The following TULP4 variants were observed in gnomAD, a reference collection of about 807,000 sequenced individuals.
The protein encoded by TULP4 is tubby-related protein 4.
Under a neutral mutation model 129.0 loss-of-function variants are expected in TULP4, and 16 were observed. The observed-to-expected ratio is 0.12, with a 90% CI of 0.08 to 0.19. The LOEUF (loss-of-function observed/expected upper bound fraction) is 0.19. Among genes scored for constraint, TULP4 ranks in the 10% least tolerant of loss-of-function variants. The pLI is 1.00. For missense variants in TULP4, 1,842 were observed against 2,059.1 expected (o/e 0.89, Z 2.04); for synonymous variants, 998 against 854.0 (o/e 1.17, Z -2.94).
At chr6:158,500,991 A>G (rs139703906) in intron 12 of TULP4, among the ~76,000 whole-genome samples, 1,524 of 152,222 alleles carry the variant, frequency 0.01, 21 homozygotes, top group African/African-American at 0.035. Flanking sequence ...ACGCAGGAGA[A>G]TCACTTGAAC....
intron 1 of TULP4, among the ~76,000 whole-genome samples, chr6:158,327,343 C>T (rs572840117): frequency 9.2e-5 from 14 of 152,118 alleles, no homozygotes; most frequent in Non-Finnish European, 1.8e-4. Context: ...TTGGTGGAAA[C>T]GATGCTCTTC....
At chr6:158,310,883 T>C (rs1016896585), upstream of TULP4, among the ~76,000 whole-genome samples, 17 of 152,210 alleles carry the variant, frequency 1.1e-4, no homozygotes, top group African/African-American at 3.9e-4. Context: ...TTAAAAACCA[T>C]GTACTCAAGG....
intron 2 of TULP4, among the ~76,000 whole-genome samples, chr6:158,423,855 T>C (rs1028388495): frequency 2.0e-5 from 3 of 152,088 alleles, no homozygotes; most frequent in African/African-American, 7.2e-5. Flanking sequence ...TTAGCCAGGA[T>C]GGTCTCGATC....
At chr6:158,499,996 G>A (rs1780407979) in intron 12 of TULP4, among the ~76,000 whole-genome samples, 1 of 151,952 alleles carries the variant, frequency 6.6e-6, no homozygotes, top group Admixed American at 6.5e-5. Flanking sequence ...CTGTAGTTTG[G>A]TGAAGCCTCC....
intron 1 of TULP4, among the ~76,000 whole-genome samples, chr6:158,299,055 C>T (rs1397470212): frequency 6.6e-6 from 1 of 151,850 alleles, no homozygotes. Flanking sequence ...CCCATACTTG[C>T]AGTCTGGACA....
chr6:158,341,919 T>A (rs1047697652), intron 1 of TULP4, among the ~76,000 whole-genome samples: 1 of 152,172 alleles, frequency 6.6e-6, no homozygotes. Flanking sequence ...TAGCTTGATG[T>A]GATTCCCCGC....
Position 158,314,013 on chromosome 6 carries a change from A to G in TULP4, c.-4A>G, listed in dbSNP as rs184206678. ...TTTAAGTAAAACAGTTCATTGAAGA[A>G]AGTATGTATGCAGCAGTGGAACATG... On this transcript the variant is annotated 5_prime_UTR_variant, in exon 1 of 14. Transcript: ENST00000367097. 6.2e-6 allele frequency: 10 copies of G among 1,610,852 alleles called. No homozygotes were observed. The highest frequency in any genetic ancestry group is 3.3e-5 in the Admixed American group (2 of 59,854).
chr6:158,356,821 G>A (rs952607554), intron 1 of TULP4, among the ~76,000 whole-genome samples: 1 of 152,054 alleles, frequency 6.6e-6, no homozygotes, highest in African/African-American at 2.4e-5. Context: ...AGGAGGAGCT[G>A]AAGCTGTAAA....
At chr6:158,495,594 G>C (rs975268254) in intron 11 of TULP4, among the ~76,000 whole-genome samples, 1 of 152,198 alleles carries the variant, frequency 6.6e-6, no homozygotes, top group Admixed American at 6.5e-5. Context: ...TGTAATCCCA[G>C]CACTTTGGGA....
At position 158,437,331 on chromosome 6, in the gene TULP4, G is replaced by A. The variant is rs564053768; in HGVS notation, c.543+7434G>A. Among the ~76,000 whole-genome samples the A allele has an allele frequency of 2.0e-5, 3 of 152,304 alleles. No homozygotes were observed. In the South Asian group the frequency reaches 6.2e-4, roughly 32 times the overall value. ...AATCTTAGCACTTTGGGAGGCCAGA[G>A]CAGGAGAATTGCTTGAGGCCAAGAG... On this transcript the variant is annotated intron_variant, in intron 3 of 13. Coordinates refer to ENST00000367097, the MANE Select transcript of TULP4 (RefSeq NM_020245.5).
upstream of TULP4, among the ~76,000 whole-genome samples, chr6:158,280,581 G>A (rs1429470308): frequency 6.6e-6 from 1 of 152,262 alleles, no homozygotes; most frequent in Non-Finnish European, 1.5e-5. Flanking sequence ...ATGAGGCCCT[G>A]CCTCAGTGTC....
chr6:158,354,898 A>AC (rs1490822408), intron 1 of TULP4, among the ~76,000 whole-genome samples: 4 of 151,458 alleles, frequency 2.6e-5, no homozygotes, highest in Admixed American at 2.6e-4. Flanking sequence ...AAAAAAAAAA[A>AC]AAAAACCAGA....
chr6:158,257,441 G>A (rs945652408), intron 1 of TULP4, among the ~76,000 whole-genome samples: 4 of 152,104 alleles, frequency 2.6e-5, no homozygotes, highest in African/African-American at 7.2e-5. Flanking sequence ...ATATATTATT[G>A]TAATCATTTT....
rs554747199 is a variant in TULP4, at chr6:158,472,743, C to T, written c.1027-7008C>T. 3.3e-5 allele frequency among the ~76,000 whole-genome samples: 5 copies of T among 152,286 alleles called. No individual in the cohort carries two copies. In the East Asian group the frequency reaches 5.8e-4, roughly 18 times the overall value. On this transcript the variant is annotated intron_variant, in intron 6 of 13. Coordinates refer to ENST00000367097, the MANE Select transcript of TULP4 (RefSeq NM_020245.5). The stretch of plus-strand genomic sequence containing the variant: ...TTGCGTACAAAACCATTGCCTGGGA[C>T]GAACTTGCAGCAGCAGCAGCAGCTT...
At chr6:158,425,114 A>G (rs1288834706) in intron 2 of TULP4, among the ~76,000 whole-genome samples, 2 of 129,424 alleles carry the variant, frequency 1.5e-5, no homozygotes, top group Non-Finnish European at 3.1e-5. Context: ...AGATCGTGCC[A>G]CTGGACTCCA....
rs753271370 is a variant in TULP4 at position 158,370,080 on chromosome 6, C to T, written c.253-42985C>T. Among the ~76,000 whole-genome samples, 8 of 152,108 alleles carry T rather than the reference C, an allele frequency of 5.3e-5. No individual in the cohort carries two copies. The East Asian group carries it at 5.8e-4, about 11-fold the overall frequency. Reference sequence around the variant, plus strand: ...AGCTGGGCATAGCTGGGCATCGTGGCGCATGCCAGTGGTCCTGGCTACTTG... The same window carrying T: ...AGCTGGGCATAGCTGGGCATCGTGGTGCATGCCAGTGGTCCTGGCTACTTG... On this transcript the variant is annotated intron_variant, in intron 1 of 13. Coordinates refer to ENST00000367097, the MANE Select transcript of TULP4 (RefSeq NM_020245.5).
Position 158,491,390 on chromosome 6 carries a change from G to GTTCTTTCT in TULP4, c.1631+1705_1631+1712dup, listed in dbSNP as rs534422353. On this transcript the variant is annotated intron_variant, in intron 9 of 13. Transcript: ENST00000367097. ...TGGGTTGTTTTATTGAGTTATAAGA[G>GTTCTTTCT]TTCTTTCTTTCTTTCTTTCTTTCTT... 6.7e-3 allele frequency among the ~76,000 whole-genome samples: 989 copies of GTTCTTTCT among 146,744 alleles called. 7 individuals are homozygous for GTTCTTTCT. Among genetic ancestry groups the GTTCTTTCT allele is most frequent in the African/African-American group, 1.0e-2 (393 of 39,490 alleles).
intron 1 of TULP4, chr6:158,242,412 T>G: frequency 7.5e-7 from 1 of 1,329,648 alleles, no homozygotes; most frequent in South Asian, 1.2e-5. Flanking sequence ...ATCGTGGGAG[T>G]TTCGGACGAG....
At chr6:158,480,902 C>G (rs548437309) in intron 7 of TULP4, among the ~76,000 whole-genome samples, 153 bp from the exon 8 acceptor site, 44 of 152,318 alleles carry the variant, frequency 2.9e-4, no homozygotes, top group African/African-American at 1.0e-3. Flanking sequence ...CACTGTTCTA[C>G]ACCACATAGT....
Sources: gnomAD v4.1 joint callset for allele counts (sites outside exome capture counted in the v4.1 genomes callset) on GRCh38, gnomAD v4.1.1 for gene constraint, MANE v1.5 for transcripts, NCBI Gene and HGNC (gene_info 2026-07-23, HGNC 2026-07-21) for gene names.